Variants in DGKB observed in about 807,000 individuals in gnomAD.
The protein encoded by DGKB is 90 kDa diacylglycerol kinase.
Under a neutral mutation model 114.3 loss-of-function variants are expected in DGKB, and 67 were observed. The observed-to-expected ratio is 0.59, with a 90% CI of 0.48 to 0.72. DGKB has a LOEUF of 0.72. Ranked by LOEUF, DGKB falls within the 30% of genes least tolerant of loss-of-function variation. The pLI is 0.00. For missense variants in DGKB, 907 were observed against 975.2 expected, an observed-to-expected ratio of 0.93 and a Z score of 0.93; for synonymous variants, 398 against 323.1, an observed-to-expected ratio of 1.23 and a Z score of -2.49.
intron 2 of DGKB, chr7:14,815,384 G>A (rs546074897): frequency 1.3e-5 from 2 of 152,304 alleles, no homozygotes; most frequent in South Asian, 4.2e-4. Context: ...TGTTGATTAT[G>A]GCACACACAA....
intron 2 of DGKB, among the ~76,000 whole-genome samples, chr7:14,790,256 T>G (rs920881450): frequency 6.6e-6 from 1 of 152,238 alleles, no homozygotes; most frequent in Admixed American, 6.5e-5. Flanking sequence ...TCTTCATTTC[T>G]CTTAACAGAA....
intron 22 of DGKB, among the ~76,000 whole-genome samples, chr7:14,342,929 G>T (rs192398281): frequency 1.3e-5 from 2 of 151,852 alleles, no homozygotes; most frequent in East Asian, 3.9e-4. Flanking sequence ...TATTGCTGGA[G>T]GTTCTGTTTT....
At chr7:14,362,258 T>A (rs966824305) in intron 21 of DGKB, among the ~76,000 whole-genome samples, 1 of 152,056 alleles carries the variant, frequency 6.6e-6, no homozygotes, top group Admixed American at 6.6e-5. Context: ...CAGTTGATTA[T>A]CAAGAATTCA....
At chr7:14,548,560 T>C (rs919313764) in intron 20 of DGKB, among the ~76,000 whole-genome samples, 2 of 152,110 alleles carry the variant, frequency 1.3e-5, no homozygotes, top group Admixed American at 6.5e-5. Context: ...CCAAACAGAA[T>C]TGATGATAGG....
At chr7:14,289,267 G>A (rs769497932) in intron 23 of DGKB, among the ~76,000 whole-genome samples, 3 of 150,240 alleles carry the variant, frequency 2.0e-5, no homozygotes, top group African/African-American at 4.9e-5. Context: ...GTGTGAAAAG[G>A]GCAACATTAG....
chr7:14,421,413 T>C (rs1826673746), intron 21 of DGKB, among the ~76,000 whole-genome samples: 1 of 152,110 alleles, frequency 6.6e-6, no homozygotes, highest in African/African-American at 2.4e-5. Context: ...TTGAATAAAA[T>C]AATGTATGTT....
At chr7:14,865,951 A>T (rs1851650984) in intron 1 of DGKB, among the ~76,000 whole-genome samples, 1 of 152,188 alleles carries the variant, frequency 6.6e-6, no homozygotes, top group Admixed American at 6.5e-5. Context: ...GGTGGAAAAT[A>T]AGGCATTTCA....
At chr7:14,541,433 G>T (rs1049576226) in intron 20 of DGKB, among the ~76,000 whole-genome samples, 1 of 152,110 alleles carries the variant, frequency 6.6e-6, no homozygotes, top group African/African-American at 2.4e-5. Context: ...AATGGAACAG[G>T]AATGAACTGA....
At chr7:14,464,568 T>A (rs1469407781) in intron 21 of DGKB, among the ~76,000 whole-genome samples, 1 of 152,226 alleles carries the variant, frequency 6.6e-6, no homozygotes, top group African/African-American at 2.4e-5. Context: ...TAGACATAAA[T>A]GTACATGTAA....
intron 1 of DGKB, among the ~76,000 whole-genome samples, chr7:14,963,552 TA>T (rs1311996428): frequency 2.8e-4 from 42 of 152,326 alleles, no homozygotes; most frequent in Admixed American, 2.0e-3. Flanking sequence ...TATGAATAAT[TA>T]ATCAGGTGTT....
chr7:14,336,988 A>AT (rs1417866254), intron 23 of DGKB, among the ~76,000 whole-genome samples: 3 of 152,174 alleles, frequency 2.0e-5, no homozygotes, highest in Non-Finnish European at 4.4e-5. Context: ...TTTTGTATAT[A>AT]TTATTTAGTG....
intron 1 of DGKB, among the ~76,000 whole-genome samples, chr7:14,911,673 G>C (rs757061879): frequency 6.6e-6 from 1 of 152,108 alleles, no homozygotes; most frequent in Non-Finnish European, 1.5e-5. Flanking sequence ...ACCTGAGAAA[G>C]ATGTATGTGT....
At chr7:14,876,241 T>A (rs1048049604) in intron 1 of DGKB, among the ~76,000 whole-genome samples, 10 of 152,102 alleles carry the variant, frequency 6.6e-5, no homozygotes, top group African/African-American at 2.4e-4. Context: ...CTACCCCTTT[T>A]AAAAAAATTT....
chr7:14,570,813 G>T (rs557700797), intron 20 of DGKB, among the ~76,000 whole-genome samples: 11 of 151,858 alleles, frequency 7.2e-5, no homozygotes. Context: ...ATTACACTGG[G>T]TATAACTTTT....
intron 15 of DGKB, among the ~76,000 whole-genome samples, chr7:14,618,172 A>G (rs1291127457): frequency 6.6e-6 from 1 of 151,442 alleles, no homozygotes; most frequent in African/African-American, 2.4e-5. Flanking sequence ...AAGTGAATTG[A>G]TTATATAGAG....
chr7:14,893,234 G>A (rs754820738), intron 1 of DGKB, among the ~76,000 whole-genome samples: 1 of 151,192 alleles, frequency 6.6e-6, no homozygotes, highest in Non-Finnish European at 1.5e-5. Context: ...TACATGTTTA[G>A]CTATAATCAC....
intron 23 of DGKB, among the ~76,000 whole-genome samples, chr7:14,312,259 A>AT (rs915664505): frequency 2.2e-4 from 33 of 152,350 alleles, no homozygotes; most frequent in African/African-American, 7.9e-4. Flanking sequence ...CTGGTCCATT[A>AT]TATCAGCAGT....
At chr7:14,641,831 AT>A (rs1462104868) in intron 13 of DGKB, among the ~76,000 whole-genome samples, 1 of 152,074 alleles carries the variant, frequency 6.6e-6, no homozygotes, top group Non-Finnish European at 1.5e-5. Context: ...AGATTTTATA[AT>A]GTTTATGTAC....
At chr7:14,677,766 G>T (rs141044795) in intron 12 of DGKB, among the ~76,000 whole-genome samples, 1 of 151,976 alleles carries the variant, frequency 6.6e-6, no homozygotes, top group Non-Finnish European at 1.5e-5. Flanking sequence ...GAGAACTGAG[G>T]TGAATATTTT....
Sources: allele counts gnomAD v4.1 joint callset (sites outside exome capture counted in the v4.1 genomes callset), GRCh38; gene constraint gnomAD v4.1.1; transcripts MANE v1.5; gene names NCBI Gene and HGNC (gene_info 2026-07-23, HGNC 2026-07-21).